PRKCA: variants seen among roughly 807,000 people sequenced by gnomAD.
PRKCA encodes the protein protein kinase C alpha, also known as protein kinase C alpha type.
PRKCA carries 27 observed loss-of-function variants against 87.0 expected under a neutral mutation model. The observed-to-expected ratio is 0.31, with a 90% CI of 0.23 to 0.43. PRKCA has a LOEUF of 0.43. PRKCA is among the 20% of genes least tolerant of loss of function. The pLI is 1.00. For missense variants in PRKCA, 518 were observed against 852.3 expected, an observed-to-expected ratio of 0.61 and a Z score of 4.88; for synonymous variants, 329 against 311.1, an observed-to-expected ratio of 1.06 and a Z score of -0.61.
At chr17:66,757,707 G>A (rs1425400022) in intron 13 of PRKCA, among the ~76,000 whole-genome samples, 1 of 152,024 alleles carries the variant, frequency 6.6e-6, no homozygotes, top group Non-Finnish European at 1.5e-5. Context: ...GGCAAGAAAT[G>A]TTAAAAGAAT....
At chr17:66,697,103 C>T (rs577541017) in intron 8 of PRKCA, among the ~76,000 whole-genome samples, 29 of 152,342 alleles carry the variant, frequency 1.9e-4, no homozygotes, top group African/African-American at 6.7e-4. Context: ...GGAAATTCTT[C>T]GACCCATTAG....
chr17:66,646,367 C>T (rs1383914261), intron 5 of PRKCA, among the ~76,000 whole-genome samples: 2 of 152,230 alleles, frequency 1.3e-5, no homozygotes, highest in Non-Finnish European at 2.9e-5. Context: ...GGACCCATCC[C>T]GTGTCCTCAA....
At chr17:66,408,780 G>C (rs575986441) in intron 2 of PRKCA, among the ~76,000 whole-genome samples, 1 of 152,048 alleles carries the variant, frequency 6.6e-6, no homozygotes, top group South Asian at 2.1e-4. Context: ...TCGGCCGGGC[G>C]CGGTGGCTTG....
chr17:66,432,185 T>G (rs892017684), intron 2 of PRKCA, among the ~76,000 whole-genome samples: 1 of 152,166 alleles, frequency 6.6e-6, no homozygotes, highest in African/African-American at 2.4e-5. Context: ...GTTTAGGATC[T>G]TGGGAAGCGT....
chr17:66,335,606 G>A (rs1475777961), intron 2 of PRKCA, among the ~76,000 whole-genome samples: 2 of 151,688 alleles, frequency 1.3e-5, no homozygotes, highest in African/African-American at 4.8e-5. Flanking sequence ...AAAAAGAACT[G>A]TGTGCTTAAA....
At chr17:66,800,010 C>T (rs1975864674) in intron 16 of PRKCA, among the ~76,000 whole-genome samples, 1 of 152,118 alleles carries the variant, frequency 6.6e-6, no homozygotes, top group African/African-American at 2.4e-5. Flanking sequence ...CTCAGGTCAT[C>T]CTGCAGCCCT....
At chr17:66,723,375 T>A (rs1973662091) in intron 8 of PRKCA, among the ~76,000 whole-genome samples, 4 of 152,134 alleles carry the variant, frequency 2.6e-5, no homozygotes. Context: ...CTGCCTGTAA[T>A]CCCAACACTT....
At chr17:66,594,225 G>A (rs1969902061) in intron 3 of PRKCA, among the ~76,000 whole-genome samples, 1 of 152,204 alleles carries the variant, frequency 6.6e-6, no homozygotes, top group Non-Finnish European at 1.5e-5. Flanking sequence ...GACACTGTGG[G>A]AAGAAGATCT....
chr17:66,695,816 T>A (rs975404982), intron 8 of PRKCA, among the ~76,000 whole-genome samples: 2 of 152,220 alleles, frequency 1.3e-5, no homozygotes, highest in African/African-American at 4.8e-5. Flanking sequence ...CAGAATGTAA[T>A]GAAAAATGAT....
intron 2 of PRKCA, among the ~76,000 whole-genome samples, chr17:66,362,849 C>T (rs983977868): frequency 6.6e-6 from 1 of 152,112 alleles, no homozygotes; most frequent in Admixed American, 6.5e-5. Context: ...CATGTGCCGC[C>T]ATGCCAGGCT....
chr17:66,478,331 C>G (rs1233256599), intron 2 of PRKCA, among the ~76,000 whole-genome samples: 1 of 152,034 alleles, frequency 6.6e-6, no homozygotes, highest in Non-Finnish European at 1.5e-5. Context: ...CGCAGCTCAC[C>G]GCAATCTCCG....
chr17:66,511,460 A>G (rs1917224607), intron 3 of PRKCA, among the ~76,000 whole-genome samples: 1 of 152,224 alleles, frequency 6.6e-6, no homozygotes, highest in Non-Finnish European at 1.5e-5. Context: ...ATGATGCACC[A>G]GGATTTAGGT....
rs190290866 is a variant in PRKCA at position 66,482,188 on chromosome 17, G to C, written c.206-14013G>C. On this transcript the variant is annotated intron_variant, in intron 2 of 16. Coordinates refer to ENST00000413366, the MANE Select transcript of PRKCA (RefSeq NM_002737.3). ...TTGCAAAGACTAGAAGGATACATGT[G>C]GGTCTTGCAAGGCCTTGCCCTTGAG... is the stretch of plus-strand genomic sequence containing the variant. 2.7e-3 allele frequency among the ~76,000 whole-genome samples: 405 copies of C among 152,052 alleles called. 2 individuals carry two copies. Among genetic ancestry groups the C allele is most frequent in the African/African-American group, 9.4e-3 (388 of 41,480 alleles).
chr17:66,359,840 C>T (rs1444369683), intron 2 of PRKCA, among the ~76,000 whole-genome samples: 1 of 152,156 alleles, frequency 6.6e-6, no homozygotes, highest in African/African-American at 2.4e-5. Context: ...CTCAAAGTAC[C>T]TTAAGCAAGC....
intron 13 of PRKCA, among the ~76,000 whole-genome samples, chr17:66,770,933 G>A (rs1024247172): frequency 9.9e-5 from 15 of 152,016 alleles, no homozygotes; most frequent in Non-Finnish European, 1.9e-4. Context: ...AGAAGTTTGA[G>A]AATTTGGAAA....
At chr17:66,465,122 A>C (rs1403024124) in intron 2 of PRKCA, among the ~76,000 whole-genome samples, 1 of 152,210 alleles carries the variant, frequency 6.6e-6, no homozygotes, top group Non-Finnish European at 1.5e-5. Context: ...ATGACTAGGA[A>C]ACTCTTTGAC....
At chr17:66,563,991 CT>C (rs1968800955) in intron 3 of PRKCA, among the ~76,000 whole-genome samples, 1 of 106,190 alleles carries the variant, frequency 9.4e-6, no homozygotes, top group Non-Finnish European at 2.0e-5. Flanking sequence ...TCCTTCCTTC[CT>C]TCCTTCCTTC....
intron 3 of PRKCA, among the ~76,000 whole-genome samples, chr17:66,638,596 C>G (rs1013976863): frequency 1.3e-5 from 2 of 152,050 alleles, no homozygotes; most frequent in Non-Finnish European, 2.9e-5. Flanking sequence ...TAGTCATAGG[C>G]CAAATGCTTT....
intron 13 of PRKCA, among the ~76,000 whole-genome samples, chr17:66,753,826 G>A (rs765299967): frequency 5.9e-5 from 9 of 152,074 alleles, no homozygotes; most frequent in Admixed American, 2.6e-4. Flanking sequence ...CAGCCAGCAC[G>A]GCACCAAGAG....
Sources: gnomAD v4.1 joint callset for allele counts (sites outside exome capture counted in the v4.1 genomes callset) on GRCh38, gnomAD v4.1.1 for gene constraint, MANE v1.5 for transcripts, NCBI Gene and HGNC (gene_info 2026-07-23, HGNC 2026-07-21) for gene names.